PPIL6: variants seen among roughly 807,000 people sequenced by gnomAD.
PPIL6 encodes the protein probable inactive peptidyl-prolyl cis-trans isomerase-like 6.
PPIL6 carries 39 observed loss-of-function variants against 36.8 expected under a neutral mutation model. The ratio of observed to expected loss-of-function variants is 1.06; its 90% CI spans 0.82 to 1.38. PPIL6 has a LOEUF of 1.38. PPIL6 is among the 40% of genes most tolerant of loss of function. PPIL6 has a pLI of 0.00. For missense variants in PPIL6, 368 were observed against 379.1 expected, an observed-to-expected ratio of 0.97 and a Z score of 0.24; for synonymous variants, 123 against 134.1, an observed-to-expected ratio of 0.92 and a Z score of 0.57.
chr6:109,406,331 C>G (rs925447082), intron 6 of PPIL6, among the ~76,000 whole-genome samples: 1 of 152,022 alleles, frequency 6.6e-6, no homozygotes, highest in Non-Finnish European at 1.5e-5. Context: ...GGATTACAGG[C>G]ATGAGCCACC....
At chr6:109,421,488 T>G (rs1402204623) in intron 5 of PPIL6, among the ~76,000 whole-genome samples, 1 of 152,246 alleles carries the variant, frequency 6.6e-6, no homozygotes, top group Non-Finnish European at 1.5e-5. Flanking sequence ...GGTAGAGCAC[T>G]CAGGCAGTGT....
intron 6 of PPIL6, among the ~76,000 whole-genome samples, chr6:109,414,149 G>C (rs1773135936): frequency 6.6e-6 from 1 of 152,134 alleles, no homozygotes; most frequent in South Asian, 2.1e-4. Flanking sequence ...TGAGGAGATG[G>C]ATACCCTATT....
At chr6:109,437,529 G>A (rs1047277419) in intron 1 of PPIL6, among the ~76,000 whole-genome samples, 19 of 150,288 alleles carry the variant, frequency 1.3e-4, no homozygotes, top group Admixed American at 4.0e-4. Context: ...AATACTGCAG[G>A]TTGACTACTA....
In PPIL6 at chr6:109,431,246, C is replaced by T. The variant is rs772450592; in HGVS notation, c.331G>A (p.Glu111Lys). ...DALDLQKWAHEVWDIVDIKPS... is the reference protein window; with the variant it reads ...DALDLQKWAHKVWDIVDIKPS... ...TTAATGTCAACTATATCCCACACCTCGTGGGCCCATTTCTGCAGATCCAAT... is the reference window on the plus strand; with the variant it reads ...TTAATGTCAACTATATCCCACACCTTGTGGGCCCATTTCTGCAGATCCAAT... Residue 111 changes from glutamate (E) to lysine (K), a missense_variant, in exon 3 of 8, where the codon GAG becomes AAG. By Grantham distance (56) the Glu-to-Lys change is moderately conservative. Coordinates refer to ENST00000521072, the MANE Select transcript of PPIL6 (RefSeq NM_173672.5). 9.3e-6 allele frequency: 15 copies of T among 1,611,930 alleles called. No individual in the cohort carries two copies. Among genetic ancestry groups the T allele is most frequent in the Admixed American group, 5.0e-5 (3 of 59,928 alleles).
rs371767876 is a variant in PPIL6 at position 109,426,761 on chromosome 6, C to T, written c.631+86G>A. 1.4e-5 allele frequency: 13 copies of T among 915,458 alleles called. No homozygotes were observed. The African/African-American group carries it at 1.5e-4, about 10-fold the overall frequency. 56.7% of individuals were successfully genotyped at this position (915,458 alleles called of 1,614,324 possible). A position where few individuals can be genotyped will look rare whatever the true frequency, so the allele number is the denominator to read the frequency against. On this transcript the variant is annotated intron_variant, in intron 5 of 7. Transcript: ENST00000521072. ...CGTCTAATTTTAAGTATATCTAATT[C>T]TACATACATTTCATAAAGATAAATG...
intron 6 of PPIL6, among the ~76,000 whole-genome samples, chr6:109,402,124 G>A (rs771720963): frequency 2.6e-5 from 4 of 152,180 alleles, no homozygotes; most frequent in Admixed American, 6.5e-5. Context: ...AAATTGATGA[G>A]TTGTAACATT....
intron 6 of PPIL6, among the ~76,000 whole-genome samples, chr6:109,411,672 T>C (rs1773018730): frequency 6.6e-6 from 1 of 152,178 alleles, no homozygotes; most frequent in African/African-American, 2.4e-5. Context: ...TTTAACCTCT[T>C]AGTAAAAGTT....
Position 109,396,437 on chromosome 6 carries a change from T to A in PPIL6, c.825-3500A>T, listed in dbSNP as rs1434109121. ...ACCCTCTTATCCGGCCTCCACCCTT[T>A]CCATTCTCCCCTAAGTACCAAGCTC... is the stretch of plus-strand genomic sequence containing the variant. On this transcript the variant is annotated intron_variant, in intron 7 of 7. Transcript: ENST00000521072. 2.0e-5 allele frequency among the ~76,000 whole-genome samples: 3 copies of A among 152,212 alleles called. No individual in the cohort carries two copies. In the East Asian group the frequency reaches 5.8e-4, roughly 29 times the overall value.
chr6:109,403,473 C>T (rs377070344), intron 6 of PPIL6, among the ~76,000 whole-genome samples: 67 of 152,202 alleles, frequency 4.4e-4, no homozygotes, highest in African/African-American at 1.5e-3. Flanking sequence ...GAGTGAAAGC[C>T]CCCATAGAGG....
intron 3 of PPIL6, 21 bp downstream of exon 3, chr6:109,431,136 T>G (rs747065164): frequency 1.3e-6 from 2 of 1,557,544 alleles, no homozygotes; most frequent in African/African-American, 2.7e-5. Context: ...CAATTTTTCT[T>G]TAAAAGTTAG....
At chr6:109,410,393 C>T (rs910265950) in intron 6 of PPIL6, among the ~76,000 whole-genome samples, 10 of 152,064 alleles carry the variant, frequency 6.6e-5, no homozygotes, top group South Asian at 2.1e-4. Context: ...ATAAATATTT[C>T]GACAAGTATT....
At chr6:109,419,378 T>A in intron 5 of PPIL6, 135 bp from the exon 6 acceptor site, 1 of 614,412 alleles carries the variant, frequency 1.6e-6, no homozygotes, top group Middle Eastern at 4.2e-4. Context: ...CCCAGGAGTT[T>A]GAGACCAGCC....
Position 109,427,009 on chromosome 6 carries a change from C to G in PPIL6, c.484-15G>C. 1 of 1,598,316 alleles carries G rather than the reference C, an allele frequency of 6.3e-7. No homozygotes were observed. Among genetic ancestry groups the G allele is most frequent in the Non-Finnish European group, 8.6e-7 (1 of 1,169,000 alleles). The stretch of plus-strand genomic sequence containing the variant: ...TCACAGTATAGCTACAAAATAAAGA[C>G]AAAAGGTTTCAAAGATTAAATATTT... On this transcript the variant is annotated splice_polypyrimidine_tract_variant and intron_variant, in intron 4 of 7. Transcript: ENST00000521072.
intron 7 of PPIL6, among the ~76,000 whole-genome samples, chr6:109,395,027 C>G (rs1042450251): frequency 6.6e-6 from 1 of 152,184 alleles, no homozygotes; most frequent in African/African-American, 2.4e-5. Flanking sequence ...GGTACCACCC[C>G]TCCAACCAGT....
chr6:109,406,899 C>T (rs1012834065), intron 6 of PPIL6, among the ~76,000 whole-genome samples: 9 of 152,170 alleles, frequency 5.9e-5, no homozygotes, highest in African/African-American at 2.2e-4. Flanking sequence ...CAAATTGGCT[C>T]CTGAGGCCTT....
At chr6:109,394,294 A>G (rs1390430171) in intron 7 of PPIL6, among the ~76,000 whole-genome samples, 1 of 148,402 alleles carries the variant, frequency 6.7e-6, no homozygotes, top group African/African-American at 2.5e-5. Context: ...AATTGCTTCA[A>G]CCCAGGAGGT....
Position 109,413,990 on chromosome 6 carries a change from G to A in PPIL6, c.688+5197C>T, listed in dbSNP as rs1773128312. Among the ~76,000 whole-genome samples, 1 of 152,014 alleles carries A rather than the reference G, an allele frequency of 6.6e-6. No individual in the cohort carries two copies. Among genetic ancestry groups the A allele is most frequent in the South Asian group, 2.1e-4 (1 of 4,818 alleles). On this transcript the variant is annotated intron_variant, in intron 6 of 7. Coordinates refer to ENST00000521072, the MANE Select transcript of PPIL6 (RefSeq NM_173672.5). This position sits in a 1 kb window ranked among gnomAD's most constrained non-coding sequence, Gnocchi z 4.6. Reference sequence around the variant, plus strand: ...GAAGGGTAGTGAGGGTTAAAGGAGGGTGGTGAGGATGGTTAATAGGCACAA... The same window carrying A: ...GAAGGGTAGTGAGGGTTAAAGGAGGATGGTGAGGATGGTTAATAGGCACAA...
intron 6 of PPIL6, among the ~76,000 whole-genome samples, chr6:109,414,121 A>C (rs996380705): frequency 1.3e-5 from 2 of 152,214 alleles, no homozygotes; most frequent in Admixed American, 1.3e-4. Flanking sequence ...TTGGATTGTA[A>C]CACACAGAAT....
At chr6:109,436,994 G>C (rs1233877609) in intron 1 of PPIL6, among the ~76,000 whole-genome samples, 3 of 152,140 alleles carry the variant, frequency 2.0e-5, no homozygotes, top group African/African-American at 7.2e-5. Flanking sequence ...CTGATGAATG[G>C]GGGATGACCA....
Sources: allele counts gnomAD v4.1 joint callset (sites outside exome capture counted in the v4.1 genomes callset), GRCh38; gene constraint gnomAD v4.1.1; non-coding constraint Gnocchi (gnomAD v3.1); transcripts MANE v1.5; gene names NCBI Gene and HGNC (gene_info 2026-07-23, HGNC 2026-07-21).